The following ADGRF5 variants were observed in gnomAD, a reference collection of about 807,000 sequenced individuals.
ADGRF5 encodes G-protein coupled receptor 116.
A neutral mutation model predicts 132.3 loss-of-function variants in ADGRF5; 75 were observed. The ratio of observed to expected loss-of-function variants is 0.57; its 90% CI spans 0.47 to 0.69. The LOEUF is 0.69. Among genes scored for constraint, ADGRF5 ranks in the 30% least tolerant of loss-of-function variants. ADGRF5 has a pLI of 0.00. For synonymous variants in ADGRF5, 629 were observed against 597.6 expected (o/e 1.05, Z -0.77); for missense variants, 1,516 against 1,630.6 (o/e 0.93, Z 1.21).
rs1002605986 is a variant in ADGRF5, at chr6:46,853,580, TCTTC to T, written c.*408_*411del. 3 of 150,534 alleles carry T rather than the reference TCTTC, an allele frequency of 2.0e-5. No homozygotes were observed. Among genetic ancestry groups the T allele is most frequent in the Admixed American group, 6.6e-5 (1 of 15,128 alleles). 9.3% of individuals were successfully genotyped at this position (150,534 alleles called of 1,614,324 possible). A position where few individuals can be genotyped will look rare whatever the true frequency, so the allele number is the denominator to read the frequency against. On this transcript the variant is annotated 3_prime_UTR_variant, in exon 21 of 21. Transcript: ENST00000283296. Reference sequence around the variant, plus strand: ...GTTTCCCTCCCTTCTTTCCTTCCTTTCTTCCTTCCTTCCTTCTTAGAATTCACTG... The same window carrying T: ...GTTTCCCTCCCTTCTTTCCTTCCTTTCTTCCTTCCTTCTTAGAATTCACTG...
In ADGRF5 at chr6:46,860,582, G is replaced by A. The variant is rs572756387; in HGVS notation, c.2379+133C>T. On this transcript the variant is annotated intron_variant, in intron 16 of 20. Transcript: ENST00000283296. ...CCTAATATCCTAAAAGCCATAGCTGGCAGAACTATCCTGAGCACTGCTCTG... is the reference window on the plus strand; with the variant it reads ...CCTAATATCCTAAAAGCCATAGCTGACAGAACTATCCTGAGCACTGCTCTG... The A allele has an allele frequency of 3.9e-5, 20 of 517,266 alleles. 1 individual carries two copies. In the South Asian group the frequency reaches 1.0e-3, roughly 26 times the overall value. The allele number at this position is 517,266 out of a possible 1,614,324, so 32.0% of individuals were successfully genotyped here. A position where few individuals can be genotyped will look rare whatever the true frequency, so the allele number is the denominator to read the frequency against.
rs189121030 is a variant in ADGRF5, at chr6:46,932,896, C to T, written c.-25+21838G>A. Among the ~76,000 whole-genome samples the T allele has an allele frequency of 2.0e-5, 3 of 152,262 alleles. No individual in the cohort carries two copies. The East Asian group carries it at 5.8e-4, about 29-fold the overall frequency. On this transcript the variant is annotated intron_variant, in intron 1 of 20. Coordinates refer to the ADGRF5 transcript ENST00000265417. The stretch of plus-strand genomic sequence containing the variant: ...TCAAGAATACATAATATGTCATGCA[C>T]AATGACAATGTTTGCTTGAGAAAGA...
chr6:46,893,185 T>C (rs1167448486), intron 3 of ADGRF5, among the ~76,000 whole-genome samples: 1 of 148,470 alleles, frequency 6.7e-6, no homozygotes, highest in Non-Finnish European at 1.5e-5. Context: ...AATGTCACTC[T>C]AGGAATAGTA....
At chr6:46,869,556 T>A (rs1239462311) in intron 11 of ADGRF5, among the ~76,000 whole-genome samples, 1 of 152,150 alleles carries the variant, frequency 6.6e-6, no homozygotes, top group Non-Finnish European at 1.5e-5. Flanking sequence ...TTTTAATATC[T>A]CCCCTCCATA....
At chr6:46,873,880 C>A (rs990690575) in intron 10 of ADGRF5, among the ~76,000 whole-genome samples, 1 of 152,142 alleles carries the variant, frequency 6.6e-6, no homozygotes, top group Non-Finnish European at 1.5e-5. Flanking sequence ...TACTTGCATG[C>A]ACTCACCTTT....
At chr6:46,910,033 A>G (rs144057289) in intron 1 of ADGRF5, among the ~76,000 whole-genome samples, 1 of 151,794 alleles carries the variant, frequency 6.6e-6, no homozygotes, top group African/African-American at 2.4e-5. Flanking sequence ...AATAAAATAA[A>G]ATAAAAAATA....
At chr6:46,923,616 C>T (rs905409435), upstream of ADGRF5, among the ~76,000 whole-genome samples, 2 of 152,172 alleles carry the variant, frequency 1.3e-5, no homozygotes, top group East Asian at 1.9e-4. Context: ...TTTTCCTGCT[C>T]GTATTTTGGT....
At chr6:46,918,384 G>C (rs1776606585) in intron 1 of ADGRF5, among the ~76,000 whole-genome samples, 1 of 152,192 alleles carries the variant, frequency 6.6e-6, no homozygotes, top group Non-Finnish European at 1.5e-5. Context: ...TGTCAGTGGG[G>C]AAAAGGCTGT....
chr6:46,895,575 C>A (rs1410814163), intron 3 of ADGRF5, among the ~76,000 whole-genome samples: 3 of 150,442 alleles, frequency 2.0e-5, no homozygotes, highest in South Asian at 4.4e-4. Flanking sequence ...CTGGGAGGAA[C>A]CTTACTCTGA....
At chr6:46,926,752 T>C (rs577170782), upstream of ADGRF5, among the ~76,000 whole-genome samples, 1 of 152,268 alleles carries the variant, frequency 6.6e-6, no homozygotes, top group South Asian at 2.1e-4. Flanking sequence ...TCATTGACTC[T>C]TCCTCCCTCA....
At chr6:46,875,982 G>A (rs928925579) in intron 10 of ADGRF5, among the ~76,000 whole-genome samples, 8 of 152,078 alleles carry the variant, frequency 5.3e-5, no homozygotes, top group Admixed American at 2.0e-4. Flanking sequence ...TTTCCTTTCC[G>A]TCTCATCCTT....
chr6:46,880,022 C>A lies in ADGRF5; in HGVS notation c.832G>T (p.Val278Phe). The A allele has an allele frequency of 6.2e-7, 1 of 1,613,818 alleles. No homozygotes were observed. The highest frequency in any genetic ancestry group is 8.5e-7 in the Non-Finnish European group (1 of 1,179,726). Residue 278 changes from valine to phenylalanine, a missense_variant, in exon 9 of 21, where the codon GTC (valine) becomes TTC (phenylalanine). By Grantham distance (50) the Val-to-Phe change is conservative. Transcript: ENST00000283296. The stretch of plus-strand genomic sequence containing the variant: ...CCTTCAAAGATGATTTCTGGTGTGA[C>A]AAAGAAATTGCTTTCATCTGGAAAC... The part of the protein sequence containing the change: ...AVTINESNFF[V>F]TPEIIFEGDT...
chr6:46,855,294 G>A (rs1377221253), intron 20 of ADGRF5, among the ~76,000 whole-genome samples: 1 of 152,110 alleles, frequency 6.6e-6, no homozygotes, highest in Non-Finnish European at 1.5e-5. Context: ...GCGTCATCAC[G>A]AATGCCGAGT....
At position 46,862,923 on chromosome 6, in the gene ADGRF5, A is replaced by G; in HGVS notation, c.2164T>C (p.Ser722Pro). Residue 722 changes from serine (S) to proline (P), a missense_variant, in exon 15 of 21, where the codon TCT becomes CCT. This residue lies in a region of ADGRF5 where 945 missense variants were observed against 929.4 expected (regional missense o/e 1.02). Coordinates refer to ENST00000283296, the MANE Select transcript of ADGRF5 (RefSeq NM_001098518.2). ...QWEEKRNDCI[S>P]APINSLLQMA... Reference sequence around the variant, plus strand: ...TGGAGCAGACTGTTTATTGGGGCAGAGATGCAGTCATTTCTCTTCTCCTCC... The same window carrying G: ...TGGAGCAGACTGTTTATTGGGGCAGGGATGCAGTCATTTCTCTTCTCCTCC... The G allele has an allele frequency of 6.2e-7, 1 of 1,612,912 alleles. No homozygotes were observed. Among genetic ancestry groups the G allele is most frequent in the Non-Finnish European group, 8.5e-7 (1 of 1,179,488 alleles).
intron 17 of ADGRF5, 141 bp downstream of exon 17, chr6:46,857,988 T>A: frequency 1.6e-6 from 1 of 623,928 alleles, no homozygotes; most frequent in Non-Finnish European, 2.8e-6. Context: ...TCTGATTGAG[T>A]TCTCATTATT....
chr6:46,908,843 C>A (rs1171091162), intron 1 of ADGRF5: 1 of 152,074 alleles, frequency 6.6e-6, no homozygotes, highest in Non-Finnish European at 1.5e-5. Context: ...CAGTTACACA[C>A]AAATGTCAGG....
chr6:46,929,896 G>A (rs754100889), intron 1 of ADGRF5, among the ~76,000 whole-genome samples: 1 of 152,100 alleles, frequency 6.6e-6, no homozygotes, highest in Non-Finnish European at 1.5e-5. Flanking sequence ...TCTTGGGTCA[G>A]TGCAACCTCC....
chr6:46,928,701 C>A (rs1440558629), intron 1 of ADGRF5, among the ~76,000 whole-genome samples: 1 of 152,180 alleles, frequency 6.6e-6, no homozygotes, highest in Non-Finnish European at 1.5e-5. Flanking sequence ...GCCTATCACA[C>A]TATTTTTCTA....
At chr6:46,875,146 A>G (rs1447593154) in intron 10 of ADGRF5, among the ~76,000 whole-genome samples, 1 of 152,208 alleles carries the variant, frequency 6.6e-6, no homozygotes, top group African/African-American at 2.4e-5. Flanking sequence ...AACAATAACT[A>G]CTTTTGTTAG....
Sources: allele counts gnomAD v4.1 joint callset (sites outside exome capture counted in the v4.1 genomes callset), GRCh38; gene constraint gnomAD v4.1.1; regional missense constraint gnomAD v4.1.1; transcripts MANE v1.5; gene names NCBI Gene and HGNC (gene_info 2026-07-23, HGNC 2026-07-21).